The following PI4KA variants were observed in gnomAD, a reference collection of about 807,000 sequenced individuals.
The protein encoded by PI4KA is phosphatidylinositol 4-kinase alpha, also known as PI4-kinase alpha.
Under a neutral mutation model 271.4 loss-of-function variants are expected in PI4KA, and 122 were observed. That is an observed-to-expected ratio of 0.45 (90% CI 0.39 to 0.52). The LOEUF is 0.52. PI4KA is among the 20% of genes least tolerant of loss of function. The pLI, the probability that PI4KA is intolerant of heterozygous loss-of-function variation, is 0.00. For synonymous variants in PI4KA, 1,041 were observed against 1,078.8 expected (o/e 0.96, Z 0.69); for missense variants, 1,969 against 2,769.1 (o/e 0.71, Z 6.48).
chr22:20,769,637 G>C lies in PI4KA; in HGVS notation c.2329-3944C>G, dbSNP rs370511279. Among the ~76,000 whole-genome samples, 372 of 149,410 alleles carry C rather than the reference G, an allele frequency of 2.5e-3. 15 individuals carry two copies. The South Asian group carries it at 0.072, about 29-fold the overall frequency. On this transcript the variant is annotated intron_variant, in intron 19 of 54. Transcript: ENST00000255882. ...TGAGCCAAGATTGCGCCACTGCACT[G>C]CAGCCTGGGCGACAGAGCGAGACGC...
chr22:20,727,363 G>A lies in PI4KA; in HGVS notation c.4808C>T (p.Ala1603Val). The A allele has an allele frequency of 1.2e-6, 2 of 1,608,646 alleles. No individual in the cohort carries two copies. Among genetic ancestry groups the A allele is most frequent in the Non-Finnish European group, 1.7e-6 (2 of 1,178,150 alleles). Residue 1603 changes from alanine (A) to valine (V), a missense_variant, in exon 41 of 55, where the codon GCT (alanine) becomes GTT (valine). Around this residue, in one of 13 missense-constraint regions of PI4KA, gnomAD observed 388 missense variants for 521.5 expected, o/e 0.74. Transcript: ENST00000255882. ...LVTWHTIDAD[A>V]PELSHVLCWA... is the part of the protein sequence containing the mutation. ...GCACAGCACATGGCTGAGCTCTGGA[G>A]CATCGGCGTCGATGGTGTGCCAGGT...
At chr22:20,715,769 C>T (rs562144675) in intron 45 of PI4KA, among the ~76,000 whole-genome samples, 5 of 152,294 alleles carry the variant, frequency 3.3e-5, no homozygotes, top group African/African-American at 4.8e-5. Flanking sequence ...CCACCGCGCC[C>T]GGCCAACATT....
chr22:20,780,978 CA>C (rs1022406582), intron 19 of PI4KA, among the ~76,000 whole-genome samples: 22 of 151,992 alleles, frequency 1.4e-4, no homozygotes, highest in African/African-American at 5.1e-4. Context: ...GGAATATAGA[CA>C]AAAGGCTAAA....
At chr22:20,797,858 T>A (rs1426931194) in intron 17 of PI4KA, among the ~76,000 whole-genome samples, 1 of 152,150 alleles carries the variant, frequency 6.6e-6, no homozygotes, top group Non-Finnish European at 1.5e-5. Flanking sequence ...GAGTAACGCC[T>A]GCAAAGGGGC....
intron 23 of PI4KA, 83 bp from the exon 24 acceptor site, chr22:20,753,263 A>G (rs2908769): frequency 1.1e-5 from 15 of 1,310,150 alleles, no homozygotes; most frequent in Non-Finnish European, 1.5e-5. Flanking sequence ...TTTTGAAATG[A>G]TTTTAGACTT....
chr22:20,837,893 C>T (rs1486967759), intron 2 of PI4KA, among the ~76,000 whole-genome samples: 3 of 151,894 alleles, frequency 2.0e-5, no homozygotes, highest in African/African-American at 4.8e-5. Flanking sequence ...CAGAGGCAGG[C>T]GGATTACCTG....
At position 20,729,720 on chromosome 22, in the gene PI4KA, A is replaced by C; in HGVS notation, c.4409-9T>G. On this transcript the variant is annotated splice_polypyrimidine_tract_variant and intron_variant, in intron 37 of 54. Transcript: ENST00000255882. Reference sequence around the variant, plus strand: ...GGTTTTCTTAGACATGCCTAGGAGGAAAGACAAAGCACAGGTGTAGTCCTC... The same window carrying C: ...GGTTTTCTTAGACATGCCTAGGAGGCAAGACAAAGCACAGGTGTAGTCCTC... 1 of 1,591,804 alleles carries C rather than the reference A, an allele frequency of 6.3e-7. No individual in the cohort carries two copies. The highest frequency in any genetic ancestry group is 1.8e-5 in the Admixed American group (1 of 56,586).
chr22:20,854,926 C>T (rs1029287486), intron 1 of PI4KA, among the ~76,000 whole-genome samples: 1 of 151,988 alleles, frequency 6.6e-6, no homozygotes, highest in African/African-American at 2.4e-5. Flanking sequence ...CCGAGGTGGG[C>T]GGATCACCTG....
At chr22:20,786,280 T>C in intron 19 of PI4KA, 1 of 1,007,610 alleles carries the variant, frequency 9.9e-7, no homozygotes, top group Non-Finnish European at 1.5e-6. Context: ...CTCTTCGGCC[T>C]GGGTGGGATA....
At chr22:20,785,954 T>C (rs1356431598) in intron 19 of PI4KA, 1 of 1,613,478 alleles carries the variant, frequency 6.2e-7, no homozygotes. Flanking sequence ...ATGATTCTTT[T>C]GTAACTTGTG....
chr22:20,807,543 T>C (rs1935735255), intron 9 of PI4KA, 85 bp from the exon 10 acceptor site: 8 of 726,112 alleles, frequency 1.1e-5, no homozygotes, highest in Admixed American at 2.3e-5. Context: ...CCCAGCGGAA[T>C]GGTGATTCGT....
intron 1 of PI4KA, among the ~76,000 whole-genome samples, chr22:20,854,290 T>A (rs1358280932): frequency 6.6e-6 from 1 of 151,896 alleles, no homozygotes; most frequent in South Asian, 2.1e-4. Flanking sequence ...CTGGCTAATT[T>A]TTGTATTTTT....
chr22:20,782,919 A>G (rs1933910032), intron 19 of PI4KA, among the ~76,000 whole-genome samples: 1 of 152,186 alleles, frequency 6.6e-6, no homozygotes. Flanking sequence ...TTCAACCTCC[A>G]AGACACCTCC....
chr22:20,724,304 T>TAAA (rs879345723), intron 42 of PI4KA, among the ~76,000 whole-genome samples: 1 of 125,836 alleles, frequency 7.9e-6, no homozygotes. Flanking sequence ...AAACTCTGTC[T>TAAA]AAAAAAAAAA....
intron 4 of PI4KA, among the ~76,000 whole-genome samples, chr22:20,824,094 C>T (rs1010697681): frequency 1.3e-5 from 2 of 149,934 alleles, no homozygotes; most frequent in African/African-American, 4.9e-5. Context: ...AGCCCCTGCC[C>T]TTCATTAGAA....
intron 9 of PI4KA, among the ~76,000 whole-genome samples, chr22:20,808,589 CAAAAAAA>C (rs361792): frequency 9.6e-6 from 1 of 104,648 alleles, no homozygotes; most frequent in African/African-American, 3.4e-5. Flanking sequence ...GACTCCGTCT[CAAAAAAA>C]AAAAAAAAAA....
intron 42 of PI4KA, among the ~76,000 whole-genome samples, chr22:20,724,013 C>T (rs4361213): frequency 0.46 from 69,628 of 150,934 alleles, 16,268 homozygotes; most frequent in East Asian, 0.59. Context: ...TAATTTTTTG[C>T]ATTTTTAGTA....
chr22:20,708,639 G>C (rs1161365038), intron 54 of PI4KA, among the ~76,000 whole-genome samples: 1 of 105,020 alleles, frequency 9.5e-6, no homozygotes, highest in Non-Finnish European at 1.8e-5. Context: ...CCTAGTCTGT[G>C]AATGTGGTCT....
rs569727073 is a variant in PI4KA at position 20,758,248 on chromosome 22, C to T, written c.2791+3056G>A. Among the ~76,000 whole-genome samples, 20 of 151,280 alleles carry T rather than the reference C, an allele frequency of 1.3e-4. No homozygotes were observed. In the East Asian group the frequency reaches 3.7e-3, roughly 28 times the overall value. On this transcript the variant is annotated intron_variant, in intron 23 of 54. Coordinates refer to ENST00000255882, the MANE Select transcript of PI4KA (RefSeq NM_058004.4). Reference sequence around the variant, plus strand: ...GGCGTGGTGGTGGGCGCCTGTAGTCCCAGCTACTTGGGAGGCTGAGGCAGG... The same window carrying T: ...GGCGTGGTGGTGGGCGCCTGTAGTCTCAGCTACTTGGGAGGCTGAGGCAGG...
Sources: gnomAD v4.1 joint callset for allele counts (sites outside exome capture counted in the v4.1 genomes callset) on GRCh38, gnomAD v4.1.1 for gene constraint, gnomAD v4.1.1 regional missense constraint, MANE v1.5 for transcripts, NCBI Gene and HGNC (gene_info 2026-07-23, HGNC 2026-07-21) for gene names.